The following FCRL2 variants were observed in gnomAD, a reference collection of about 807,000 sequenced individuals.
FCRL2 encodes Fc receptor like 2.
A neutral mutation model predicts 59.8 loss-of-function variants in FCRL2; 48 were observed. The ratio of observed to expected loss-of-function variants is 0.80; its 90% confidence interval spans 0.64 to 1.02. FCRL2 has a LOEUF of 1.02. FCRL2 is among the 50% of genes least tolerant of loss of function. FCRL2 has a pLI of 0.00. For missense variants in FCRL2, 658 were observed against 597.3 expected (o/e 1.10, Z -1.06); for synonymous variants, 251 against 229.5 (o/e 1.09, Z -0.85).
chr1:157,749,326 G>T (rs943991210), intron 8 of FCRL2, among the ~76,000 whole-genome samples: 1 of 151,846 alleles, frequency 6.6e-6, no homozygotes, highest in Non-Finnish European at 1.5e-5. Context: ...TACACATTTT[G>T]TGTGTATGTT....
intron 5 of FCRL2, 22 bp downstream of exon 5, chr1:157,768,392 T>C: frequency 6.2e-7 from 1 of 1,604,420 alleles, no homozygotes; most frequent in Non-Finnish European, 8.5e-7. Flanking sequence ...TTCTGGAAGA[T>C]ATGAATGAGA....
intron 7 of FCRL2, among the ~76,000 whole-genome samples, chr1:157,752,267 T>C (rs12077318): frequency 0.018 from 2,699 of 152,272 alleles, 69 homozygotes; most frequent in African/African-American, 0.061. Flanking sequence ...GTCTTTCCCG[T>C]GCTGTTCTCA....
intron 7 of FCRL2, among the ~76,000 whole-genome samples, chr1:157,762,752 C>A (rs1649199817): frequency 6.6e-6 from 1 of 152,102 alleles, no homozygotes; most frequent in African/African-American, 2.4e-5. Flanking sequence ...AAAAGATACA[C>A]TCCAACCTTC....
At chr1:157,756,513 C>G (rs1320558452) in intron 7 of FCRL2, among the ~76,000 whole-genome samples, 1 of 152,004 alleles carries the variant, frequency 6.6e-6, no homozygotes, top group Non-Finnish European at 1.5e-5. Flanking sequence ...AGAGTCATCT[C>G]CAGAAGTAAT....
intron 2 of FCRL2, among the ~76,000 whole-genome samples, chr1:157,772,083 T>C (rs1650065517): frequency 6.6e-6 from 1 of 150,938 alleles, no homozygotes; most frequent in Non-Finnish European, 1.5e-5. Context: ...GAGAAACAAT[T>C]AACTTAATTC....
rs375524102 is a variant in FCRL2, at chr1:157,775,767, G to A, written c.52+8C>T. On this transcript the variant is annotated splice_region_variant and intron_variant, in intron 2 of 11. Coordinates refer to ENST00000361516, the MANE Select transcript of FCRL2 (RefSeq NM_030764.4). ...AGACCAAGAACAACAAAGACAAGGA[G>A]GACTCACCTGCCTGTTCAGTGACTG... 5.6e-6 allele frequency: 9 copies of A among 1,613,836 alleles called. No homozygotes were observed. The African/African-American group carries it at 1.1e-4, about 19-fold the overall frequency.
intron 10 of FCRL2, among the ~76,000 whole-genome samples, chr1:157,747,971 CCTGA>C (rs1647875507): frequency 6.6e-6 from 1 of 152,130 alleles, no homozygotes; most frequent in South Asian, 2.1e-4. Context: ...TTAGATTCTC[CCTGA>C]CTATCTAACC....
intron 2 of FCRL2, among the ~76,000 whole-genome samples, chr1:157,775,356 T>A (rs1444091260): frequency 6.6e-6 from 1 of 152,238 alleles, no homozygotes; most frequent in Non-Finnish European, 1.5e-5. Flanking sequence ...ACATGTTTAT[T>A]CTGACCCTGC....
intron 7 of FCRL2, among the ~76,000 whole-genome samples, chr1:157,754,301 T>C (rs945788304): frequency 6.6e-5 from 10 of 152,304 alleles, no homozygotes; most frequent in Admixed American, 5.9e-4. Context: ...GAATGACCTC[T>C]AGTTGCCCTC....
chr1:157,764,995 G>A (rs142225402), intron 7 of FCRL2, among the ~76,000 whole-genome samples: 1,893 of 151,872 alleles, frequency 0.012, 20 homozygotes, highest in Non-Finnish European at 0.016. Flanking sequence ...ATTAAATAGA[G>A]ACTAAAAAAA....
At chr1:157,762,995 G>C (rs1458313999) in intron 7 of FCRL2, among the ~76,000 whole-genome samples, 1 of 152,188 alleles carries the variant, frequency 6.6e-6, no homozygotes, top group East Asian at 1.9e-4. Context: ...AAAATGCATA[G>C]GTAAAGCCAG....
intron 7 of FCRL2, among the ~76,000 whole-genome samples, chr1:157,752,044 A>G (rs1648231131): frequency 6.6e-6 from 1 of 152,234 alleles, no homozygotes; most frequent in Non-Finnish European, 1.5e-5. Flanking sequence ...AGAGGGTCTG[A>G]GCTGAGTGGG....
chr1:157,770,400 G>T lies in FCRL2; in HGVS notation c.310+9C>A. Reference sequence around the variant, plus strand: ...CACCCAGCCCATCCCACAGAAGTCAGGGTTTTACCTTGGACTTTTATCTTT... The same window carrying T: ...CACCCAGCCCATCCCACAGAAGTCATGGTTTTACCTTGGACTTTTATCTTT... On this transcript the variant is annotated intron_variant, in intron 3 of 11. Coordinates refer to ENST00000361516, the MANE Select transcript of FCRL2 (RefSeq NM_030764.4). The T allele has an allele frequency of 6.2e-7, 1 of 1,610,558 alleles. No homozygotes were observed. Among genetic ancestry groups the T allele is most frequent in the Non-Finnish European group, 8.5e-7 (1 of 1,178,680 alleles).
intron 7 of FCRL2, among the ~76,000 whole-genome samples, chr1:157,766,281 C>T (rs1411425149): frequency 2.6e-5 from 4 of 152,166 alleles, no homozygotes; most frequent in Non-Finnish European, 5.9e-5. Context: ...ACCATCCTGG[C>T]TAACATGGTG....
intron 4 of FCRL2, chr1:157,769,568 C>G (rs1218637351): frequency 2.4e-5 from 6 of 254,862 alleles, no homozygotes; most frequent in Non-Finnish European, 4.7e-5. Flanking sequence ...GCTGGGACTA[C>G]AGGCGCCCCC....
Position 157,769,850 on chromosome 1 carries a change from C to T in FCRL2, c.595+16G>A, listed in dbSNP as rs1649848439. The T allele has an allele frequency of 6.2e-7, 1 of 1,609,826 alleles. No homozygotes were observed. Among genetic ancestry groups the T allele is most frequent in the African/African-American group, 1.3e-5 (1 of 74,744 alleles). On this transcript the variant is annotated intron_variant, in intron 4 of 11. Coordinates refer to ENST00000361516, the MANE Select transcript of FCRL2 (RefSeq NM_030764.4). Reference sequence around the variant, plus strand: ...CCTATCTTTTTTTCTCCAGGCTCAGCCTCACTGATACTTGCTCTGCACGTG... The same window carrying T: ...CCTATCTTTTTTTCTCCAGGCTCAGTCTCACTGATACTTGCTCTGCACGTG...
chr1:157,759,704 A>G (rs1180759979), intron 7 of FCRL2, among the ~76,000 whole-genome samples: 2 of 152,236 alleles, frequency 1.3e-5, no homozygotes, highest in African/African-American at 4.8e-5. Context: ...AGTGTTCAAT[A>G]TCACTAACCA....
chr1:157,762,383 GC>G lies in FCRL2; in HGVS notation c.1279+4471del, dbSNP rs201474180. 1.2e-4 allele frequency among the ~76,000 whole-genome samples: 18 copies of G among 152,302 alleles called. No homozygotes were observed. The East Asian group carries it at 3.5e-3, about 29-fold the overall frequency. On this transcript the variant is annotated intron_variant, in intron 7 of 11. Transcript: ENST00000361516. ...GCCTGAGAATCCTTTCACCTGCCTG[GC>G]CCAGCATAGCCACTTCGGGTATGTG...
Position 157,770,400 on chromosome 1 carries a change from G to A in FCRL2, c.310+9C>T, listed in dbSNP as rs777090865. 8.1e-6 allele frequency: 13 copies of A among 1,610,440 alleles called. No homozygotes were observed. The highest frequency in any genetic ancestry group is 1.6e-4 in the Middle Eastern group (1 of 6,070). ...CACCCAGCCCATCCCACAGAAGTCA[G>A]GGTTTTACCTTGGACTTTTATCTTT... On this transcript the variant is annotated intron_variant, in intron 3 of 11. Coordinates refer to ENST00000361516, the MANE Select transcript of FCRL2 (RefSeq NM_030764.4).
Sources: allele counts gnomAD v4.1 joint callset (sites outside exome capture counted in the v4.1 genomes callset), GRCh38; gene constraint gnomAD v4.1.1; transcripts MANE v1.5; gene names NCBI Gene and HGNC (gene_info 2026-07-23, HGNC 2026-07-21).